TNIK: variants seen among roughly 807,000 people sequenced by gnomAD.
The protein encoded by TNIK is TRAF2 and NCK interacting kinase.
In TNIK, 49 loss-of-function variants were observed where a neutral mutation model predicts 191.3. The observed-to-expected ratio is 0.26, with a 90% CI of 0.20 to 0.32. The LOEUF is 0.32. Among genes scored for constraint, TNIK ranks in the 10% least tolerant of loss-of-function variants. The pLI, the probability that TNIK is intolerant of heterozygous loss-of-function variation, is 1.00. For synonymous variants in TNIK, 594 were observed against 600.9 expected (o/e 0.99, Z 0.17); for missense variants, 1,155 against 1,702.3 (o/e 0.68, Z 5.66).
intron 12 of TNIK, among the ~76,000 whole-genome samples, chr3:171,152,558 G>A (rs1027358325): frequency 3.9e-5 from 6 of 152,090 alleles, no homozygotes; most frequent in South Asian, 2.1e-4. Flanking sequence ...TGATCTCCCT[G>A]CAGAGCTCAG....
chr3:171,208,055 G>T (rs974472443), intron 4 of TNIK, among the ~76,000 whole-genome samples: 1 of 152,184 alleles, frequency 6.6e-6, no homozygotes, highest in Non-Finnish European at 1.5e-5. Flanking sequence ...TTCAGGCCAG[G>T]TGCAGTGGCT....
At chr3:171,147,492 G>A (rs59614087) in intron 12 of TNIK, among the ~76,000 whole-genome samples, 4,548 of 152,168 alleles carry the variant, frequency 0.03, 219 homozygotes, top group African/African-American at 0.1. Flanking sequence ...ATGACTATAG[G>A]GTAAGGGCAT....
In TNIK at chr3:171,128,824, C is replaced by T. The variant is rs1728837939; in HGVS notation, c.1663G>A (p.Val555Ile). The change falls in exon 16 of 33, where the codon GTT (valine) becomes ATT (isoleucine). Residue 555 changes from valine (V) to isoleucine (I), a missense_variant. Val to Ile is a conservative substitution (Grantham distance 29). This residue lies in a region of TNIK where 735 missense variants were observed against 848.0 expected (regional missense o/e 0.87). Coordinates refer to ENST00000436636, the MANE Select transcript of TNIK (RefSeq NM_015028.4). ...RQSSPAMPHK[V>I]ANRISDPNLP... ...TTGGGGTCAGATATCCTGTTGGCAA[C>T]CTTGTGAGGCATGGCAGGGGAACTT... 1 of 1,596,212 alleles carries T rather than the reference C, an allele frequency of 6.3e-7. No homozygotes were observed. Among genetic ancestry groups the T allele is most frequent in the Non-Finnish European group, 8.5e-7 (1 of 1,172,796 alleles).
intron 18 of TNIK, among the ~76,000 whole-genome samples, chr3:171,118,113 T>C (rs913347312): frequency 4.6e-5 from 7 of 152,112 alleles, no homozygotes; most frequent in Admixed American, 4.6e-4. Context: ...ACAAAATCAA[T>C]GTGCAAAAAT....
At chr3:171,286,956 T>C (rs1412514499) in intron 2 of TNIK, among the ~76,000 whole-genome samples, 1 of 152,228 alleles carries the variant, frequency 6.6e-6, no homozygotes. Context: ...TATCTGTTTT[T>C]ATGGCGTACT....
intron 2 of TNIK, among the ~76,000 whole-genome samples, chr3:171,233,864 A>G (rs898599208): frequency 6.6e-6 from 1 of 152,080 alleles, no homozygotes; most frequent in Non-Finnish European, 1.5e-5. Context: ...TTACCCCCAC[A>G]TTTCCCCAGC....
At position 171,206,048 on chromosome 3, in the gene TNIK, A is replaced by T. The variant is rs114815080; in HGVS notation, c.306+5068T>A. 9.5e-3 allele frequency among the ~76,000 whole-genome samples: 1,439 copies of T among 151,952 alleles called. 24 individuals carry two copies. The highest frequency in any genetic ancestry group is 0.033 in the African/African-American group (1,355 of 41,438). On this transcript the variant is annotated intron_variant, in intron 4 of 32. Transcript: ENST00000436636. ...ACCCTTACCTGCATTCCCAATTAGT[A>T]CTCCACCAGGTACTTACTAGCTTCC... is the stretch of plus-strand genomic sequence containing the variant.
At chr3:171,162,403 G>A (rs1228394295) in intron 10 of TNIK, among the ~76,000 whole-genome samples, 4 of 152,202 alleles carry the variant, frequency 2.6e-5, no homozygotes, top group Middle Eastern at 3.2e-3. Context: ...AAGCCTGGGT[G>A]ATAGAGTGAG....
At chr3:171,098,052 G>T (rs1344660910) in intron 22 of TNIK, among the ~76,000 whole-genome samples, 1 of 152,204 alleles carries the variant, frequency 6.6e-6, no homozygotes, top group Non-Finnish European at 1.5e-5. Context: ...TACCCTACAG[G>T]AGGGAACGCA....
chr3:171,434,491 T>C (rs554879546), intron 1 of TNIK, among the ~76,000 whole-genome samples: 1 of 152,246 alleles, frequency 6.6e-6, no homozygotes, highest in African/African-American at 2.4e-5. Context: ...AAAGTCTTGC[T>C]CTGTTGCCCA....
chr3:171,068,238 C>T (rs1220578815), intron 30 of TNIK, among the ~76,000 whole-genome samples: 2 of 152,188 alleles, frequency 1.3e-5, no homozygotes, highest in East Asian at 3.8e-4. Context: ...CCTGTACCAA[C>T]TGCTTTAGAT....
chr3:171,128,801 G>A lies in TNIK; in HGVS notation c.1686C>T (p.Pro562=). 6.2e-7 allele frequency: 1 copy of A among 1,608,430 alleles called. No homozygotes were observed. Among genetic ancestry groups the A allele is most frequent in the South Asian group, 1.1e-5 (1 of 89,880 alleles). ...AGGACTCCGACCTTGGGGGCAGGTTGGGGTCAGATATCCTGTTGGCAACCT... is the reference window on the plus strand; with the variant it reads ...AGGACTCCGACCTTGGGGGCAGGTTAGGGTCAGATATCCTGTTGGCAACCT... ...PHKVANRISD[P]NLPPRSESFS... Residue 562 remains proline (P), a synonymous_variant, in exon 16 of 33, where the codon CCC becomes CCT. Coordinates refer to ENST00000436636, the MANE Select transcript of TNIK (RefSeq NM_015028.4).
chr3:171,287,603 G>A (rs186323819), intron 2 of TNIK, among the ~76,000 whole-genome samples: 1 of 152,250 alleles, frequency 6.6e-6, no homozygotes, highest in East Asian at 1.9e-4. Context: ...CAGTGATATG[G>A]CTTTAAAAGA....
Position 171,367,472 on chromosome 3 carries a change from TTG to T in TNIK, c.123+2146_123+2147del, listed in dbSNP as rs1491334400. On this transcript the variant is annotated intron_variant, in intron 2 of 32. Transcript: ENST00000436636. ...CAACACAAGGCCCCATAGCATTTTT[TTG>T]GGGGGGGGGGGAGGGGACAGAGTCC... 3.4e-3 allele frequency among the ~76,000 whole-genome samples: 121 copies of T among 35,982 alleles called. 1 individual carries two copies. The South Asian group carries it at 0.052, about 15-fold the overall frequency. 23.6% of individuals were successfully genotyped at this position (35,982 alleles called of 152,430 possible).
rs537505509 is a variant in TNIK at position 171,324,786 on chromosome 3, A to G, written c.123+44834T>C. On this transcript the variant is annotated intron_variant, in intron 2 of 32. Transcript: ENST00000436636. ...GGAAAGATTTACGTAGTCGTCAGAA[A>G]GAGACCAGTTTGTTAAAGAGAAGAA... Among the ~76,000 whole-genome samples, 6 of 152,270 alleles carry G rather than the reference A, an allele frequency of 3.9e-5. No homozygotes were observed. The South Asian group carries it at 1.2e-3, about 32-fold the overall frequency.
intron 1 of TNIK, among the ~76,000 whole-genome samples, chr3:171,397,427 C>G (rs1044466042): frequency 6.6e-6 from 1 of 152,106 alleles, no homozygotes; most frequent in Non-Finnish European, 1.5e-5. Flanking sequence ...GTCTTTGACT[C>G]AAGTAAACTA....
chr3:171,174,616 C>T (rs1406505803), intron 9 of TNIK, among the ~76,000 whole-genome samples: 3 of 79,592 alleles, frequency 3.8e-5, no homozygotes, highest in Admixed American at 2.4e-4. Context: ...ATCCTATCAA[C>T]ATAATTTTTG....
At chr3:171,160,913 C>T (rs1017084845) in intron 11 of TNIK, among the ~76,000 whole-genome samples, 21 of 152,144 alleles carry the variant, frequency 1.4e-4, no homozygotes, top group African/African-American at 4.6e-4. Context: ...AACGCAAGTC[C>T]GAAAATACCA....
intron 10 of TNIK, among the ~76,000 whole-genome samples, chr3:171,163,577 T>C (rs1734264466): frequency 1.3e-5 from 2 of 152,212 alleles, no homozygotes; most frequent in African/African-American, 2.4e-5. Context: ...TTTTAAAATA[T>C]TAGTTCACCA....
Sources: allele counts gnomAD v4.1 joint callset (sites outside exome capture counted in the v4.1 genomes callset), GRCh38; gene constraint gnomAD v4.1.1; regional missense constraint gnomAD v4.1.1; transcripts MANE v1.5; gene names NCBI Gene and HGNC (gene_info 2026-07-23, HGNC 2026-07-21).